Variants in HTR7 observed in about 807,000 individuals in gnomAD.
The protein encoded by HTR7 is 5-HT-7.
A neutral mutation model predicts 34.0 loss-of-function variants in HTR7; 16 were observed. That is an observed-to-expected ratio of 0.47 (90% confidence interval 0.32 to 0.71). HTR7 has a LOEUF of 0.71. Ranked by LOEUF, HTR7 falls within the 30% of genes least tolerant of loss-of-function variation. The pLI is 0.04. For synonymous variants in HTR7, 265 were observed against 260.2 expected (o/e 1.02, Z -0.18); for missense variants, 504 against 625.5 (o/e 0.81, Z 2.07).
At chr10:90,765,614 C>T (rs768595006) in intron 1 of HTR7, among the ~76,000 whole-genome samples, 5 of 151,594 alleles carry the variant, frequency 3.3e-5, no homozygotes, top group African/African-American at 4.8e-5. Flanking sequence ...TATAAAGTTG[C>T]ATTGTTTATT....
At chr10:90,771,919 G>T (rs934231501) in intron 1 of HTR7, among the ~76,000 whole-genome samples, 1 of 151,826 alleles carries the variant, frequency 6.6e-6, no homozygotes, top group African/African-American at 2.4e-5. Context: ...GATTAAAAGG[G>T]AAAGGAAATA....
At chr10:90,805,307 C>T (rs772680144) in intron 1 of HTR7, among the ~76,000 whole-genome samples, 1 of 152,124 alleles carries the variant, frequency 6.6e-6, no homozygotes, top group Admixed American at 6.5e-5. Context: ...CACCCTGAAG[C>T]CAGTTATCTA....
intron 1 of HTR7, among the ~76,000 whole-genome samples, chr10:90,813,293 G>A (rs1313015109): frequency 2.0e-5 from 3 of 152,152 alleles, no homozygotes; most frequent in South Asian, 2.1e-4. Flanking sequence ...AGGCCGAGGC[G>A]GGCCGATCAC....
In HTR7 at chr10:90,857,436, A is replaced by C. The variant is rs1352289930; in HGVS notation, c.236T>G (p.Val79Gly). ...GATGGAGCCGATCACAACTTTCTCG[A>C]CTCTGCCGTAGTTGATCTGTTCCCC... ...GCGEQINYGRVEKVVIGSILT... is the reference protein window; with the variant it reads ...GCGEQINYGRGEKVVIGSILT... The change falls in exon 1 of 4, where the codon GTC becomes GGC. Residue 79 changes from valine to glycine, a missense_variant. Val to Gly is a moderately radical substitution (Grantham distance 109). Coordinates refer to ENST00000336152, the MANE Select transcript of HTR7 (RefSeq NM_019859.4). The surrounding 1 kb of genome is among the most constrained non-coding windows in gnomAD (Gnocchi z 6.5). The C allele has an allele frequency of 1.7e-5, 28 of 1,613,642 alleles. No individual in the cohort carries two copies. Among genetic ancestry groups the C allele is most frequent in the Non-Finnish European group, 2.3e-5 (27 of 1,179,932 alleles).
At chr10:90,803,212 T>C (rs771331026) in intron 1 of HTR7, among the ~76,000 whole-genome samples, 28 of 152,138 alleles carry the variant, frequency 1.8e-4, no homozygotes, top group Middle Eastern at 6.8e-3. Context: ...TAAAGTACAC[T>C]TGGAAGAGGG....
At chr10:90,820,170 G>A (rs192549922) in intron 1 of HTR7, among the ~76,000 whole-genome samples, 2 of 152,298 alleles carry the variant, frequency 1.3e-5, no homozygotes, top group Admixed American at 6.5e-5. Context: ...CTGTGAAAGG[G>A]ATGGCTCTAG....
intron 1 of HTR7, among the ~76,000 whole-genome samples, chr10:90,824,357 A>AT (rs2120023402): frequency 6.6e-6 from 1 of 152,348 alleles, no homozygotes; most frequent in South Asian, 2.1e-4. Context: ...TGAGCCCTGA[A>AT]TAATCAGCAG....
At chr10:90,756,522 T>G (rs1344834820) in intron 1 of HTR7, among the ~76,000 whole-genome samples, 1 of 152,104 alleles carries the variant, frequency 6.6e-6, no homozygotes, top group Non-Finnish European at 1.5e-5. Flanking sequence ...TTAGGAACAA[T>G]AAACAACTTA....
chr10:90,796,525 A>G (rs77096624), intron 1 of HTR7, among the ~76,000 whole-genome samples: 3,780 of 152,296 alleles, frequency 0.025, 68 homozygotes, highest in Non-Finnish European at 0.038. Context: ...GGAGTTCCAG[A>G]ACACCCTGAG....
At chr10:90,832,492 G>A (rs1006696760) in intron 1 of HTR7, among the ~76,000 whole-genome samples, 6 of 152,122 alleles carry the variant, frequency 3.9e-5, no homozygotes, top group African/African-American at 7.2e-5. Context: ...CCAAGCCCAC[G>A]CCCACCCGGA....
intron 1 of HTR7, among the ~76,000 whole-genome samples, chr10:90,755,236 T>A (rs1844817945): frequency 6.6e-6 from 1 of 152,242 alleles, no homozygotes. Context: ...GAATCATGTT[T>A]CCATTATCTC....
intron 1 of HTR7, among the ~76,000 whole-genome samples, chr10:90,753,921 G>A (rs1844785801): frequency 6.6e-6 from 1 of 151,970 alleles, no homozygotes; most frequent in Non-Finnish European, 1.5e-5. Context: ...ATGCTTGTGT[G>A]AGCATGTCTG....
intron 1 of HTR7, among the ~76,000 whole-genome samples, chr10:90,756,519 C>A (rs1044151764): frequency 1.1e-4 from 17 of 152,002 alleles, no homozygotes; most frequent in African/African-American, 4.1e-4. Context: ...CAGTTAGGAA[C>A]AATAAACAAC....
In HTR7 at chr10:90,788,293, C is replaced by T. The variant is rs184847471; in HGVS notation, c.540-38699G>A. 1.2e-4 allele frequency among the ~76,000 whole-genome samples: 19 copies of T among 152,210 alleles called. No homozygotes were observed. In the Middle Eastern group the frequency reaches 0.01, roughly 82 times the overall value. On this transcript the variant is annotated intron_variant, in intron 1 of 3. Coordinates refer to ENST00000336152, the MANE Select transcript of HTR7 (RefSeq NM_019859.4). ...AAACACCTAGTACATAAACAGTATT[C>T]CAAGCCCAAAATAGATCCAGCTTTG...
chr10:90,825,194 T>A (rs546195995), intron 1 of HTR7, among the ~76,000 whole-genome samples: 1 of 152,302 alleles, frequency 6.6e-6, no homozygotes, highest in East Asian at 1.9e-4. Flanking sequence ...ATCCAGAGAA[T>A]TCTTCAGGAT....
chr10:90,852,596 A>C (rs1364013446), intron 1 of HTR7, among the ~76,000 whole-genome samples: 1 of 152,226 alleles, frequency 6.6e-6, no homozygotes, highest in Non-Finnish European at 1.5e-5. Flanking sequence ...AAAAAAACTC[A>C]AATGTCCATC....
At chr10:90,793,734 A>G (rs758876407) in intron 1 of HTR7, among the ~76,000 whole-genome samples, 4 of 152,124 alleles carry the variant, frequency 2.6e-5, no homozygotes, top group Non-Finnish European at 4.4e-5. Context: ...CAAGGTGAGG[A>G]GCAAGGAAGC....
rs768991109 is a variant in HTR7 at position 90,748,949 on chromosome 10, A to G, written c.1185T>C (p.Tyr395=). 6.2e-7 allele frequency: 1 copy of G among 1,614,158 alleles called. No homozygotes were observed. The highest frequency in any genetic ancestry group is 1.1e-5 in the South Asian group (1 of 91,078). Residue 395 remains tyrosine, a synonymous_variant, in exon 2 of 4, where the codon TAT becomes TAC. Transcript: ENST00000336152. ...AFFNRDLRTT[Y]RSLLQCQYRN... ...GGTACTGGCACTGGAGCAGGCTGCG[A>G]TAGGTGGTCCTCAGGTCCCGGTTGA...
At position 90,743,714 on chromosome 10, in the gene HTR7, C is replaced by A. The variant is rs1315370393; in HGVS notation, c.1296-24G>T. ...TCCTGCAATTTATGGCAATTCAAAG[C>A]AAATCCATAAGTAAATCAAATTTTA... On this transcript the variant is annotated intron_variant, in intron 2 of 3. Transcript: ENST00000336152. 4.6e-6 allele frequency: 7 copies of A among 1,524,478 alleles called. No individual in the cohort carries two copies. In the Admixed American group the frequency reaches 5.0e-5, roughly 11 times the overall value. The allele number at this position is 1,524,478 out of a possible 1,614,324, so 94.4% of individuals were successfully genotyped here. A position where few individuals can be genotyped will look rare whatever the true frequency, so the allele number is the denominator to read the frequency against.
Sources: gnomAD v4.1 joint callset for allele counts (sites outside exome capture counted in the v4.1 genomes callset) on GRCh38, gnomAD v4.1.1 for gene constraint, Gnocchi (gnomAD v3.1) non-coding constraint, MANE v1.5 for transcripts, NCBI Gene and HGNC (gene_info 2026-07-23, HGNC 2026-07-21) for gene names.